DNAJC27: variants seen among roughly 807,000 people sequenced by gnomAD.
DNAJC27 encodes DnaJ heat shock protein family (Hsp40) member C27.
A neutral mutation model predicts 31.4 loss-of-function variants in DNAJC27; 25 were observed. That is an observed-to-expected ratio of 0.80 (90% CI 0.58 to 1.11). DNAJC27 has a LOEUF of 1.11. DNAJC27 is among the 50% of genes most tolerant of loss of function. DNAJC27 has a pLI of 0.00. For synonymous variants in DNAJC27, 106 were observed against 112.7 expected, an observed-to-expected ratio of 0.94 and a Z score of 0.37; for missense variants, 356 against 347.3, an observed-to-expected ratio of 1.02 and a Z score of -0.20.
At chr2:24,967,954 C>CTTT (rs35902856) in intron 1 of DNAJC27, among the ~76,000 whole-genome samples, 1 of 135,664 alleles carries the variant, frequency 7.4e-6, no homozygotes, top group Non-Finnish European at 1.6e-5. Context: ...AGATTAATTC[C>CTTT]TTTTTTTTTT....
intron 5 of DNAJC27, among the ~76,000 whole-genome samples, chr2:24,954,412 T>C (rs552099331): frequency 1.1e-4 from 16 of 152,298 alleles, no homozygotes; most frequent in Admixed American, 7.8e-4. Context: ...CTAAAAATTA[T>C]AGACTCATCC....
chr2:24,951,157 T>TA (rs1665765840), intron 6 of DNAJC27, among the ~76,000 whole-genome samples: 1 of 152,278 alleles, frequency 6.6e-6, no homozygotes, highest in Admixed American at 6.5e-5. Context: ...AAGCAGAGCA[T>TA]ACCATTTCAT....
Position 24,947,370 on chromosome 2 carries a change from T to A in DNAJC27, c.*246A>T, listed in dbSNP as rs1665672489. 1 of 380,322 alleles carries A rather than the reference T, an allele frequency of 2.6e-6. No homozygotes were observed. Among genetic ancestry groups the A allele is most frequent in the African/African-American group, 2.0e-5 (1 of 49,910 alleles). 23.6% of individuals were successfully genotyped at this position (380,322 alleles called of 1,614,324 possible). On this transcript the variant is annotated 3_prime_UTR_variant, in exon 7 of 7. Coordinates refer to ENST00000264711, the MANE Select transcript of DNAJC27 (RefSeq NM_016544.3). ...ACAGAGCTGACGAATGAGAAAAAAATTCAGAATTATCTAGAAATATGAAAT... is the reference window on the plus strand; with the variant it reads ...ACAGAGCTGACGAATGAGAAAAAAAATCAGAATTATCTAGAAATATGAAAT...
rs148631948 is a variant in DNAJC27 at position 24,951,535 on chromosome 2, A to G, written c.548T>C (p.Val183Ala). The change falls in exon 6 of 7, where the codon GTT (valine) becomes GCT (alanine). Residue 183 changes from valine (V) to alanine (A), a missense_variant. Val to Ala is a moderately conservative substitution (Grantham distance 64). Transcript: ENST00000264711. ...TTTCCCGCCATTTTCACATAAATCA[A>G]CTATGGATATATAAAAGGTCTACAA... ...EMFQTFYISI[V>A]DLCENGGKRP... The G allele has an allele frequency of 4.7e-5, 75 of 1,612,882 alleles. No individual in the cohort carries two copies. In the Middle Eastern group the frequency reaches 9.9e-4, roughly 21 times the overall value.
intron 1 of DNAJC27, chr2:24,971,344 C>T (rs941388668): frequency 5.9e-5 from 9 of 153,312 alleles, no homozygotes; most frequent in African/African-American, 2.2e-4. Flanking sequence ...GTCAGTTACG[C>T]TCTCTCGTGA....
chr2:24,943,758 T>C lies in DNAJC27; in HGVS notation c.*3858A>G, dbSNP rs1488189245. On this transcript the variant is annotated 3_prime_UTR_variant, in exon 7 of 7. Coordinates refer to ENST00000264711, the MANE Select transcript of DNAJC27 (RefSeq NM_016544.3). Reference sequence around the variant, plus strand: ...CAGTTATTTCAACAGAAAGAAAATATGTAAATTACCTTGTAAGAGCAAAGA... The same window carrying C: ...CAGTTATTTCAACAGAAAGAAAATACGTAAATTACCTTGTAAGAGCAAAGA... 1 of 152,686 alleles carries C rather than the reference T, an allele frequency of 6.5e-6. No homozygotes were observed. The highest frequency in any genetic ancestry group is 1.5e-5 in the Non-Finnish European group (1 of 68,052). 9.5% of individuals were successfully genotyped at this position (152,686 alleles called of 1,614,324 possible).
At chr2:24,948,128 C>G (rs1468342156) in intron 6 of DNAJC27, among the ~76,000 whole-genome samples, 1 of 152,080 alleles carries the variant, frequency 6.6e-6, no homozygotes, top group African/African-American at 2.4e-5. Context: ...AGAAGGGGTT[C>G]TGGGAGAGAA....
intron 5 of DNAJC27, among the ~76,000 whole-genome samples, chr2:24,952,593 G>A (rs1308608484): frequency 6.6e-6 from 1 of 152,072 alleles, no homozygotes; most frequent in Non-Finnish European, 1.5e-5. Flanking sequence ...CACTTGTGGG[G>A]ATACTGCTTT....
rs1192516505 is a variant in DNAJC27 at position 24,960,607 on chromosome 2, G to A, written c.241-2633C>T. ...AAACTTCTTGAATGAAATTAAAAAT[G>A]CTAATCTAGTGAACACATGAATGCT... On this transcript the variant is annotated intron_variant, in intron 3 of 6. Coordinates refer to ENST00000264711, the MANE Select transcript of DNAJC27 (RefSeq NM_016544.3). Among the ~76,000 whole-genome samples the A allele has an allele frequency of 2.6e-5, 4 of 152,340 alleles. No individual in the cohort carries two copies. The East Asian group carries it at 7.7e-4, about 29-fold the overall frequency.
chr2:24,947,992 T>G (rs1245316941), intron 6 of DNAJC27, among the ~76,000 whole-genome samples: 1 of 152,090 alleles, frequency 6.6e-6, no homozygotes, highest in Non-Finnish European at 1.5e-5. Flanking sequence ...AACAAAACAC[T>G]TAGTAAAATA....
intron 4 of DNAJC27, 42 bp from the exon 5 acceptor site, chr2:24,957,207 T>C (rs779080421): frequency 1.9e-6 from 3 of 1,549,812 alleles, no homozygotes; most frequent in South Asian, 2.5e-5. Context: ...GATTACAATC[T>C]TGTCCTACTA....
rs147786385 is a variant in DNAJC27 at position 24,962,861 on chromosome 2, C to CA, written c.240+543dup. Among the ~76,000 whole-genome samples the CA allele has an allele frequency of 3.6e-3, 553 of 151,926 alleles. 3 individuals are homozygous for CA. Among genetic ancestry groups the CA allele is most frequent in the African/African-American group, 0.012 (516 of 41,440 alleles). ...GTGAAACGGCCAAACCAGAAAAGAG[C>CA]AAAAAACCTCCTTAAGAAAAATGAA... On this transcript the variant is annotated intron_variant, in intron 3 of 6. Coordinates refer to ENST00000264711, the MANE Select transcript of DNAJC27 (RefSeq NM_016544.3).
At chr2:24,961,167 A>C (rs1219164086) in intron 3 of DNAJC27, among the ~76,000 whole-genome samples, 1 of 152,198 alleles carries the variant, frequency 6.6e-6, no homozygotes, top group African/African-American at 2.4e-5. Flanking sequence ...TAGGGCCCTT[A>C]AGAATTATGC....
chr2:24,949,005 G>C (rs894064212), intron 6 of DNAJC27, among the ~76,000 whole-genome samples: 3 of 152,156 alleles, frequency 2.0e-5, no homozygotes, highest in African/African-American at 7.2e-5. Context: ...GTATCAGCTT[G>C]GAGAGACTGA....
intron 6 of DNAJC27, among the ~76,000 whole-genome samples, chr2:24,950,116 G>A (rs914332962): frequency 1.7e-4 from 25 of 149,734 alleles, no homozygotes; most frequent in Non-Finnish European, 2.8e-4. Context: ...AAAAGATCCC[G>A]ATAAACTCTG....
At position 24,945,771 on chromosome 2, in the gene DNAJC27, T is replaced by A. The variant is rs569152600; in HGVS notation, c.*1845A>T. ...GATATTACCAAGATGAAAAGTGCGA[T>A]GATAAAGCAACGCTCTGGTTTCCTG... On this transcript the variant is annotated 3_prime_UTR_variant, in exon 7 of 7. Transcript: ENST00000264711. The A allele has an allele frequency of 1.3e-5, 2 of 152,230 alleles. No individual in the cohort carries two copies. Among genetic ancestry groups the A allele is most frequent in the Non-Finnish European group, 2.9e-5 (2 of 68,042 alleles). The allele number at this position is 152,230 out of a possible 1,614,324, so 9.4% of individuals were successfully genotyped here.
chr2:24,964,248 G>A (rs914039647), intron 2 of DNAJC27, among the ~76,000 whole-genome samples: 2 of 151,688 alleles, frequency 1.3e-5, no homozygotes, highest in Non-Finnish European at 2.9e-5. Context: ...GTGAAACCCC[G>A]TCCCTACTAA....
chr2:24,968,442 TAAG>T (rs1193287072), intron 1 of DNAJC27, among the ~76,000 whole-genome samples: 3 of 152,128 alleles, frequency 2.0e-5, no homozygotes, highest in Admixed American at 1.3e-4. Context: ...GGCAAAATAA[TAAG>T]TTTTTTTAAA....
intron 3 of DNAJC27, among the ~76,000 whole-genome samples, chr2:24,959,620 C>T (rs189683737): frequency 2.9e-4 from 44 of 152,344 alleles, no homozygotes; most frequent in Admixed American, 1.4e-3. Flanking sequence ...AGCTCCTGAC[C>T]TTCAAACTGG....
Sources: gnomAD v4.1 joint callset for allele counts (sites outside exome capture counted in the v4.1 genomes callset) on GRCh38, gnomAD v4.1.1 for gene constraint, MANE v1.5 for transcripts, NCBI Gene and HGNC (gene_info 2026-07-23, HGNC 2026-07-21) for gene names.